Variants in MSR1 observed in about 807,000 individuals in gnomAD.
The protein encoded by MSR1 is macrophage scavenger receptor types I and II.
Under a neutral mutation model 47.2 loss-of-function variants are expected in MSR1, and 53 were observed. That is an observed-to-expected ratio of 1.12 (90% CI 0.90 to 1.41). The LOEUF is 1.41. Among genes scored for constraint, MSR1 ranks in the 40% most tolerant of loss-of-function variants. The probability of loss-of-function intolerance (pLI) is 0.00; values close to 1 mark genes in which losing one functional copy is unlikely to be tolerated. For missense variants in MSR1, 786 were observed against 546.9 expected (o/e 1.44, Z -4.36); for synonymous variants, 239 against 185.6 (o/e 1.29, Z -2.34).
chr8:16,120,296 G>C, intron 9 of MSR1, 122 bp downstream of exon 9: 1 of 1,016,584 alleles, frequency 9.8e-7, no homozygotes, highest in Non-Finnish European at 1.5e-6. Flanking sequence ...AGAATCGCTT[G>C]AATCCGGGAG....
intron 8 of MSR1, among the ~76,000 whole-genome samples, chr8:16,129,654 G>A (rs1800209950): frequency 6.6e-6 from 1 of 152,042 alleles, no homozygotes; most frequent in Non-Finnish European, 1.5e-5. Context: ...AGGCTGAGGT[G>A]GGAAGATCAC....
chr8:16,147,033 T>C lies in MSR1; in HGVS notation c.979+3198A>G, dbSNP rs938950612. ...TTACCCTGAGGGAAACAATAAGTCTTTGAATGGACTTCAAGAGGCAAAACA... is the reference window on the plus strand; with the variant it reads ...TTACCCTGAGGGAAACAATAAGTCTCTGAATGGACTTCAAGAGGCAAAACA... On this transcript the variant is annotated intron_variant, in intron 7 of 9. Coordinates refer to ENST00000262101, the MANE Select transcript of MSR1 (RefSeq NM_138715.3). Among the ~76,000 whole-genome samples the C allele has an allele frequency of 2.0e-5, 3 of 152,120 alleles. No homozygotes were observed. In the East Asian group the frequency reaches 5.8e-4, roughly 29 times the overall value.
intron 1 of MSR1, among the ~76,000 whole-genome samples, chr8:16,189,276 A>AAATCTTATTTATATTTCAT (rs1802096858): frequency 7.8e-6 from 1 of 128,008 alleles, no homozygotes; most frequent in African/African-American, 3.0e-5. Context: ...TTATATTTCA[A>AAATCTTATTTATATTTCAT]ATATATAAAA....
chr8:16,177,446 C>T (rs1374282129), intron 2 of MSR1, among the ~76,000 whole-genome samples: 1 of 151,966 alleles, frequency 6.6e-6, no homozygotes, highest in Non-Finnish European at 1.5e-5. Flanking sequence ...AGATTCTTCT[C>T]TAGAGCCTTC....
At chr8:16,189,780 C>G (rs1461489119) in intron 1 of MSR1, among the ~76,000 whole-genome samples, 1 of 129,358 alleles carries the variant, frequency 7.7e-6, no homozygotes, top group African/African-American at 2.9e-5. Context: ...TATATAAAAT[C>G]TTATTTATAC....
intron 8 of MSR1, among the ~76,000 whole-genome samples, chr8:16,130,584 G>A (rs1246748480): frequency 6.6e-6 from 1 of 151,922 alleles, no homozygotes; most frequent in Non-Finnish European, 1.5e-5. Flanking sequence ...TTTTGTCTTC[G>A]AGGTAATAAG....
At chr8:16,130,531 ATAGGTAAAT>A (rs1409762462) in intron 8 of MSR1, among the ~76,000 whole-genome samples, 1 of 152,132 alleles carries the variant, frequency 6.6e-6, no homozygotes, top group Non-Finnish European at 1.5e-5. Context: ...GGTTGGTTAT[ATAGGTAAAT>A]TGCGTGTCGT....
rs1801610436 is a variant in MSR1 at position 16,175,259 on chromosome 8, A to G, written c.145T>C (p.Phe49Leu). 1 of 1,614,014 alleles carries G rather than the reference A, an allele frequency of 6.2e-7. No individual in the cohort carries two copies. The highest frequency in any genetic ancestry group is 1.3e-5 in the African/African-American group (1 of 74,926). Residue 49 changes from phenylalanine to leucine, a missense_variant, in exon 3 of 10, where the codon TTC becomes CTC. Coordinates refer to ENST00000262101, the MANE Select transcript of MSR1 (RefSeq NM_138715.3). ...TAAAGGGCAATCAGTGCAGCTTTGA[A>G]GGACTTCAGTTTCTCTTGAAGGGAA... Reference protein sequence around the residue: ...SPSLQEKLKSFKAALIALYLL... With the variant: ...SPSLQEKLKSLKAALIALYLL...
intron 6 of MSR1, among the ~76,000 whole-genome samples, chr8:16,153,388 A>T (rs73665224): frequency 0.04 from 6,088 of 152,118 alleles, 437 homozygotes; most frequent in African/African-American, 0.14. Flanking sequence ...TGCACCAAAC[A>T]AAATGGTAAC....
At chr8:16,181,714 G>A (rs1801837676) in intron 1 of MSR1, among the ~76,000 whole-genome samples, 1 of 151,614 alleles carries the variant, frequency 6.6e-6, no homozygotes, top group Non-Finnish European at 1.5e-5. Flanking sequence ...TGGGTTGATG[G>A]GTGCACCAAA....
At chr8:16,111,208 C>T (rs1319325123) in intron 9 of MSR1, among the ~76,000 whole-genome samples, 1 of 152,042 alleles carries the variant, frequency 6.6e-6, no homozygotes, top group Non-Finnish European at 1.5e-5. Context: ...CTTAAAAATA[C>T]AGGCAAATAA....
At chr8:16,192,315 G>T (rs560566080) in intron 1 of MSR1, among the ~76,000 whole-genome samples, 3 of 152,126 alleles carry the variant, frequency 2.0e-5, no homozygotes, top group Admixed American at 6.5e-5. Context: ...AAACCCCATT[G>T]CTGGTTCAAA....
At chr8:16,183,547 ATAC>A (rs1801900005) in intron 1 of MSR1, among the ~76,000 whole-genome samples, 3 of 145,756 alleles carry the variant, frequency 2.1e-5, no homozygotes, top group African/African-American at 7.5e-5. Flanking sequence ...ATATTTATAT[ATAC>A]ATTATATAAT....
chr8:16,171,552 G>T (rs1171586196), intron 3 of MSR1, among the ~76,000 whole-genome samples: 2 of 152,042 alleles, frequency 1.3e-5, no homozygotes, highest in African/African-American at 4.8e-5. Flanking sequence ...CCAAGTTTTG[G>T]GTTGACAGCC....
intron 4 of MSR1, among the ~76,000 whole-genome samples, chr8:16,165,109 T>C (rs994415507): frequency 6.6e-5 from 10 of 152,096 alleles, no homozygotes; most frequent in Admixed American, 6.6e-4. Flanking sequence ...TTTAAATATA[T>C]TTGTATATTG....
intron 1 of MSR1, among the ~76,000 whole-genome samples, chr8:16,188,840 C>T (rs943664192): frequency 6.6e-6 from 1 of 151,788 alleles, no homozygotes; most frequent in East Asian, 1.9e-4. Context: ...AGGACATCAA[C>T]TCATCTTTTT....
chr8:16,111,852 A>G (rs535020842), intron 9 of MSR1, among the ~76,000 whole-genome samples: 2 of 152,318 alleles, frequency 1.3e-5, no homozygotes, highest in African/African-American at 4.8e-5. Flanking sequence ...AAGGAACTGT[A>G]CGTGCTCAAA....
intron 3 of MSR1, among the ~76,000 whole-genome samples, chr8:16,171,495 T>C (rs1343396063): frequency 1.3e-5 from 2 of 152,184 alleles, no homozygotes; most frequent in Non-Finnish European, 2.9e-5. Context: ...AATAAAAGTA[T>C]ATTTCTTAAC....
At position 16,150,482 on chromosome 8, in the gene MSR1, G is replaced by A. The variant is rs368554425; in HGVS notation, c.899-171C>T. Reference sequence around the variant, plus strand: ...TTTGACATTGAAAAACAATAGAAGCGATAAATATAAACCTTAGTACATTCA... The same window carrying A: ...TTTGACATTGAAAAACAATAGAAGCAATAAATATAAACCTTAGTACATTCA... On this transcript the variant is annotated intron_variant, in intron 6 of 9. Transcript: ENST00000262101. Among the ~76,000 whole-genome samples the A allele has an allele frequency of 5.9e-5, 9 of 151,874 alleles. 1 individual carries two copies. Among genetic ancestry groups the A allele is most frequent in the East Asian group, 1.9e-4 (1 of 5,164 alleles).
Sources: allele counts gnomAD v4.1 joint callset (sites outside exome capture counted in the v4.1 genomes callset), GRCh38; gene constraint gnomAD v4.1.1; transcripts MANE v1.5; gene names NCBI Gene and HGNC (gene_info 2026-07-23, HGNC 2026-07-21).